The following TSPAN9 variants were observed in gnomAD, a reference collection of about 807,000 sequenced individuals.
TSPAN9 encodes the protein tetraspanin-9.
Under a neutral mutation model 31.0 loss-of-function variants are expected in TSPAN9, and 16 were observed. That is an observed-to-expected ratio of 0.52 (90% CI 0.35 to 0.78). TSPAN9 has a LOEUF of 0.78. Among genes scored for constraint, TSPAN9 ranks in the 30% least tolerant of loss-of-function variants. TSPAN9 has a pLI of 0.01. For synonymous variants in TSPAN9, 145 were observed against 121.6 expected (o/e 1.19, Z -1.27); for missense variants, 272 against 312.5 (o/e 0.87, Z 0.98).
chr12:3,195,904 C>T (rs1031781561), intron 2 of TSPAN9, among the ~76,000 whole-genome samples: 4 of 152,232 alleles, frequency 2.6e-5, no homozygotes, highest in Non-Finnish European at 5.9e-5. Context: ...GAGAGCCCTT[C>T]TGCAAGGGAC....
chr12:3,124,021 T>C (rs1591638092), intron 2 of TSPAN9, among the ~76,000 whole-genome samples: 1 of 152,168 alleles, frequency 6.6e-6, no homozygotes, highest in African/African-American at 2.4e-5. Flanking sequence ...TGATGTAAGA[T>C]ACAATGTGGT....
intron 3 of TSPAN9, among the ~76,000 whole-genome samples, chr12:3,259,186 C>G (rs1186436657): frequency 6.6e-6 from 1 of 152,216 alleles, no homozygotes; most frequent in Non-Finnish European, 1.5e-5. Flanking sequence ...AGAGCCAGGA[C>G]AGGTATTTCG....
chr12:3,184,979 G>A (rs778061135), intron 2 of TSPAN9, among the ~76,000 whole-genome samples: 3 of 152,052 alleles, frequency 2.0e-5, no homozygotes, highest in Admixed American at 6.5e-5. Context: ...ACTAAACTCC[G>A]CTGGTTCCTT....
At chr12:3,243,124 A>G (rs1287328223) in intron 3 of TSPAN9, among the ~76,000 whole-genome samples, 1 of 152,212 alleles carries the variant, frequency 6.6e-6, no homozygotes, top group Non-Finnish European at 1.5e-5. Context: ...AAACAACCCA[A>G]TAGAGTCATC....
At chr12:3,246,742 A>G (rs1862138003) in intron 3 of TSPAN9, among the ~76,000 whole-genome samples, 1 of 152,140 alleles carries the variant, frequency 6.6e-6, no homozygotes, top group South Asian at 2.1e-4. Flanking sequence ...GTTCAGATCC[A>G]TCTGGTATCT....
chr12:3,268,160 A>AGCCTGCCCTCCCTGTG (rs1565639161), intron 3 of TSPAN9, among the ~76,000 whole-genome samples: 6 of 130,160 alleles, frequency 4.6e-5, no homozygotes, highest in East Asian at 2.5e-4. Flanking sequence ...CCCTCCGTGC[A>AGCCTGCCCTCCCTGTG]TTCCTGCAGC....
chr12:3,285,209 A>T lies in TSPAN9; in HGVS notation c.*2093A>T, dbSNP rs1324691371. On this transcript the variant is annotated 3_prime_UTR_variant, in exon 9 of 9. Transcript: ENST00000011898. Reference sequence around the variant, plus strand: ...CAGACACATCCGGGCGGAGAGACTCAGCAGACAAGTGCTGCAGTTGCACGG... The same window carrying T: ...CAGACACATCCGGGCGGAGAGACTCTGCAGACAAGTGCTGCAGTTGCACGG... 7.6e-6 allele frequency: 1 copy of T among 130,982 alleles called. No homozygotes were observed. The highest frequency in any genetic ancestry group is 1.6e-5 in the Non-Finnish European group (1 of 64,108). 8.1% of individuals were successfully genotyped at this position (130,982 alleles called of 1,614,324 possible).
chr12:3,278,504 TTCGTTG>T lies in TSPAN9; in HGVS notation c.150_155del (p.Leu51_Ser52del). ...TTGCCACCTTCTCCCCCAGCTTCCC[TTCGTTG>T]TCTGCAGCCAACCTGGTCATTGCCA... On this transcript the variant is annotated inframe_deletion, in exon 4 of 9. Transcript: ENST00000011898. 3 of 1,614,230 alleles carry T rather than the reference TTCGTTG, an allele frequency of 1.9e-6. No homozygotes were observed. Among genetic ancestry groups the T allele is most frequent in the Non-Finnish European group, 2.5e-6 (3 of 1,180,024 alleles).
At chr12:3,130,281 G>A (rs552956712) in intron 2 of TSPAN9, among the ~76,000 whole-genome samples, 1 of 152,324 alleles carries the variant, frequency 6.6e-6, no homozygotes, top group South Asian at 2.1e-4. Context: ...AAAGCTGATC[G>A]AGCTGGTGAA....
chr12:3,252,848 G>T (rs1591707101), intron 3 of TSPAN9, among the ~76,000 whole-genome samples: 1 of 152,200 alleles, frequency 6.6e-6, no homozygotes, highest in African/African-American at 2.4e-5. Flanking sequence ...TTTCTCCCTT[G>T]AGGGCCGGTG....
intron 2 of TSPAN9, among the ~76,000 whole-genome samples, chr12:3,128,084 G>T (rs767515860): frequency 1.3e-5 from 2 of 152,232 alleles, no homozygotes; most frequent in Non-Finnish European, 2.9e-5. Context: ...GACCACTGTC[G>T]TATGTGTGGT....
intron 3 of TSPAN9, among the ~76,000 whole-genome samples, chr12:3,249,468 C>T (rs568215636): frequency 6.6e-6 from 1 of 152,328 alleles, no homozygotes; most frequent in South Asian, 2.1e-4. Flanking sequence ...AAACTTTGCT[C>T]TCTCCTCAAG....
intron 2 of TSPAN9, among the ~76,000 whole-genome samples, chr12:3,136,170 A>G (rs1345592156): frequency 1.3e-5 from 2 of 152,218 alleles, no homozygotes; most frequent in Non-Finnish European, 2.9e-5. Flanking sequence ...GCAAACATGT[A>G]GGAAGCACTT....
At chr12:3,081,807 A>G (rs2098297947) in intron 1 of TSPAN9, among the ~76,000 whole-genome samples, 1 of 103,486 alleles carries the variant, frequency 9.7e-6, no homozygotes, top group Non-Finnish European at 2.0e-5. Context: ...TATCTAAAAA[A>G]TTGTGTGTGT....
At chr12:3,140,986 T>TGGGTGGGGAAGGGCC in intron 2 of TSPAN9, among the ~76,000 whole-genome samples, 1 of 148,102 alleles carries the variant, frequency 6.8e-6, no homozygotes, top group African/African-American at 2.5e-5. Flanking sequence ...GGGGAAGGGC[T>TGGGTGGGGAAGGGCC]GTGGGAAGTG....
At chr12:3,232,974 C>T (rs1297242051) in intron 3 of TSPAN9, among the ~76,000 whole-genome samples, 4 of 152,240 alleles carry the variant, frequency 2.6e-5, no homozygotes, top group Non-Finnish European at 1.5e-5. Context: ...GGACAGCTGT[C>T]CCACCTGTCC....
chr12:3,184,320 C>T (rs548759825), intron 2 of TSPAN9, among the ~76,000 whole-genome samples: 9 of 151,856 alleles, frequency 5.9e-5, no homozygotes, highest in Non-Finnish European at 8.8e-5. Flanking sequence ...CTCACTTGAA[C>T]GCAGGAAGTG....
chr12:3,124,985 C>T (rs2098326688), intron 2 of TSPAN9: 1 of 151,998 alleles, frequency 6.6e-6, no homozygotes. Context: ...ATTACTCAAG[C>T]CTGGGAGGTG....
intron 3 of TSPAN9, among the ~76,000 whole-genome samples, chr12:3,255,031 A>G (rs569740056): frequency 7.2e-5 from 11 of 151,788 alleles, no homozygotes; most frequent in South Asian, 2.1e-4. Context: ...TTTGACGCCA[A>G]TCTCCCCACC....
Sources: gnomAD v4.1 joint callset for allele counts (sites outside exome capture counted in the v4.1 genomes callset) on GRCh38, gnomAD v4.1.1 for gene constraint, MANE v1.5 for transcripts, NCBI Gene and HGNC (gene_info 2026-07-23, HGNC 2026-07-21) for gene names.